The following GAB2 variants were observed in gnomAD, a reference collection of about 807,000 sequenced individuals.
GAB2 encodes GRB2 associated binding protein 2, also known as GRB2-associated-binding protein 2.
Under a neutral mutation model 65.5 loss-of-function variants are expected in GAB2, and 26 were observed. That is an observed-to-expected ratio of 0.40 (90% CI 0.29 to 0.55). GAB2 has a LOEUF of 0.55. GAB2 is among the 20% of genes least tolerant of loss of function. The pLI is 0.53. For missense variants in GAB2, 884 were observed against 875.8 expected, an observed-to-expected ratio of 1.01 and a Z score of -0.12; for synonymous variants, 321 against 329.6, an observed-to-expected ratio of 0.97 and a Z score of 0.28.
intron 8 of GAB2, 88 bp from the exon 9 acceptor site, chr11:78,220,532 G>A (rs1005906319): frequency 3.4e-6 from 4 of 1,160,800 alleles, no homozygotes; most frequent in Non-Finnish European, 4.9e-6. Context: ...TAAGAACACT[G>A]TTTCCCTGAG....
chr11:78,383,135 GGTGGCACATGCC>G (rs1376133904), intron 1 of GAB2, among the ~76,000 whole-genome samples: 1 of 152,162 alleles, frequency 6.6e-6, no homozygotes, highest in East Asian at 1.9e-4. Flanking sequence ...AGCTGGGCAT[GGTGGCACATGCC>G]TGTAGTCCCA....
intron 5 of GAB2, among the ~76,000 whole-genome samples, chr11:78,224,111 G>T (rs891795770): frequency 6.6e-6 from 1 of 152,082 alleles, no homozygotes; most frequent in Non-Finnish European, 1.5e-5. Flanking sequence ...AAAGGAAGCA[G>T]AGTGGGAGAC....
chr11:78,222,022 C>G (rs502827), intron 7 of GAB2, 83 bp downstream of exon 7: 1 of 915,116 alleles, frequency 1.1e-6, no homozygotes, highest in Non-Finnish European at 1.8e-6. Context: ...TCCAGCTGTC[C>G]CGGCCCACAG....
chr11:78,232,822 G>A (rs1371175302), intron 3 of GAB2, among the ~76,000 whole-genome samples: 1 of 152,132 alleles, frequency 6.6e-6, no homozygotes, highest in Non-Finnish European at 1.5e-5. Context: ...TAGTCTATGC[G>A]AGGCAGGATG....
Position 78,226,773 on chromosome 11 carries a change from T to C in GAB2, c.899A>G (p.Asn300Ser). The change falls in exon 4 of 10, where the codon AAC becomes AGC. Residue 300 changes from asparagine to serine, a missense_variant. By Grantham distance (46) the Asn-to-Ser change is conservative. Transcript: ENST00000361507. ...EDVYTFKTPSNTLCREFGDLL... is the reference protein window; with the variant it reads ...EDVYTFKTPSSTLCREFGDLL... ...GTCCCCGAACTCCCTGCACAGGGTG[T>C]TGCTGGGCGTCTTGAAGGTGTACAC... is the stretch of plus-strand genomic sequence containing the variant. 1 of 1,614,118 alleles carries C rather than the reference T, an allele frequency of 6.2e-7. No individual in the cohort carries two copies. Among genetic ancestry groups the C allele is most frequent in the East Asian group, 2.2e-5 (1 of 44,884 alleles).
intron 1 of GAB2, among the ~76,000 whole-genome samples, chr11:78,379,979 T>C (rs756528708): frequency 6.6e-6 from 1 of 152,250 alleles, no homozygotes; most frequent in Non-Finnish European, 1.5e-5. Context: ...GCAGTTATTA[T>C]GTAGGCAAAT....
At chr11:78,353,297 T>C (rs1444227223) in intron 1 of GAB2, among the ~76,000 whole-genome samples, 1 of 152,034 alleles carries the variant, frequency 6.6e-6, no homozygotes, top group Non-Finnish European at 1.5e-5. Context: ...AAAAATTAGC[T>C]GGGCATGGTG....
intron 1 of GAB2, among the ~76,000 whole-genome samples, chr11:78,363,071 C>T (rs1227080287): frequency 1.3e-5 from 2 of 152,186 alleles, no homozygotes; most frequent in Non-Finnish European, 1.5e-5. Context: ...GATGAGGCTC[C>T]TTTTGCCAAC....
chr11:78,309,780 A>T (rs1591024922), intron 1 of GAB2, among the ~76,000 whole-genome samples: 1 of 152,188 alleles, frequency 6.6e-6, no homozygotes, highest in African/African-American at 2.4e-5. Context: ...TTTTCTCAGG[A>T]TATAGAGAGT....
chr11:78,331,168 C>T (rs1354927795), intron 1 of GAB2, among the ~76,000 whole-genome samples: 1 of 151,810 alleles, frequency 6.6e-6, no homozygotes. Flanking sequence ...GAGACAGACA[C>T]CGTCTCAAAA....
chr11:78,281,348 C>A (rs545108590), intron 1 of GAB2, among the ~76,000 whole-genome samples: 1 of 152,042 alleles, frequency 6.6e-6, no homozygotes, highest in East Asian at 1.9e-4. Context: ...AGGGTTCAAG[C>A]GATTCTCCTG....
chr11:78,250,523 T>C, intron 2 of GAB2, 123 bp from the exon 3 acceptor site: 1 of 852,174 alleles, frequency 1.2e-6, no homozygotes. Flanking sequence ...TAGCATTCTC[T>C]CCCTCTCATA....
chr11:78,368,302 T>C (rs1217232741), intron 1 of GAB2, among the ~76,000 whole-genome samples: 4 of 152,216 alleles, frequency 2.6e-5, no homozygotes, highest in Non-Finnish European at 5.9e-5. Context: ...AACAGATTAA[T>C]ACTGTTCATG....
At chr11:78,254,220 A>C (rs1865533978) in intron 2 of GAB2, among the ~76,000 whole-genome samples, 1 of 152,222 alleles carries the variant, frequency 6.6e-6, no homozygotes, top group Non-Finnish European at 1.5e-5. Context: ...AGGTACATGG[A>C]ACACCTTCTA....
At chr11:78,391,600 T>C (rs538837512) in intron 1 of GAB2, among the ~76,000 whole-genome samples, 1 of 152,348 alleles carries the variant, frequency 6.6e-6, no homozygotes, top group Non-Finnish European at 1.5e-5. Flanking sequence ...TAAAGGCCAC[T>C]GGTAGGTGCT....
intron 2 of GAB2, among the ~76,000 whole-genome samples, chr11:78,252,292 C>G (rs146840506): frequency 9.2e-5 from 14 of 152,362 alleles, no homozygotes; most frequent in African/African-American, 3.1e-4. Flanking sequence ...CCATTGACAG[C>G]TGTATTGACC....
At position 78,365,146 on chromosome 11, in the gene GAB2, G is replaced by A. The variant is rs187774217; in HGVS notation, c.75+52500C>T. On this transcript the variant is annotated intron_variant, in intron 1 of 9. Coordinates refer to ENST00000361507, the MANE Select transcript of GAB2 (RefSeq NM_080491.3). Reference sequence around the variant, plus strand: ...CCACTGTTATGAAACAAATATTTGTGTAGGAAAAGGAGTCTGGTAACGGAC... The same window carrying A: ...CCACTGTTATGAAACAAATATTTGTATAGGAAAAGGAGTCTGGTAACGGAC... 1.6e-3 allele frequency among the ~76,000 whole-genome samples: 236 copies of A among 152,246 alleles called. 1 individual carries two copies. Among genetic ancestry groups the A allele is most frequent in the African/African-American group, 5.6e-3 (233 of 41,536 alleles).
chr11:78,297,444 T>C (rs1866863772), intron 1 of GAB2, among the ~76,000 whole-genome samples: 1 of 152,126 alleles, frequency 6.6e-6, no homozygotes, highest in South Asian at 2.1e-4. Flanking sequence ...TGGAAAACAC[T>C]TATTCAGTTC....
intron 3 of GAB2, among the ~76,000 whole-genome samples, chr11:78,239,456 T>G (rs1421057736): frequency 6.6e-6 from 1 of 152,150 alleles, no homozygotes; most frequent in African/African-American, 2.4e-5. Flanking sequence ...CCTGACCTCG[T>G]GATCCACCTG....
Sources: gnomAD v4.1 joint callset for allele counts (sites outside exome capture counted in the v4.1 genomes callset) on GRCh38, gnomAD v4.1.1 for gene constraint, MANE v1.5 for transcripts, NCBI Gene and HGNC (gene_info 2026-07-23, HGNC 2026-07-21) for gene names.